Variants in C20orf204 observed in about 807,000 individuals in gnomAD.
The protein encoded by C20orf204 is uncharacterized protein C20orf204.
A neutral mutation model predicts 3.6 loss-of-function variants in C20orf204; 6 were observed. The observed-to-expected ratio is 1.68, with a 90% CI of 0.92 to 3.31. C20orf204 has a LOEUF of 3.31. Among genes scored for constraint, C20orf204 ranks in the 30% most tolerant of loss-of-function variants. The probability of loss-of-function intolerance (pLI) is 0.00; values close to 1 mark genes in which losing one functional copy is unlikely to be tolerated. For synonymous variants in C20orf204, 80 were observed against 41.4 expected (o/e 1.93, Z -3.58); for missense variants, 167 against 89.7 (o/e 1.86, Z -3.48).
Position 64,038,377 on chromosome 20 carries a change from G to T in C20orf204, c.361G>T (p.Glu121Ter). The T allele has an allele frequency of 1.3e-6, 1 of 769,984 alleles. No homozygotes were observed. The highest frequency in any genetic ancestry group is 2.4e-6 in the Non-Finnish European group (1 of 414,628). The allele number at this position is 769,984 out of a possible 1,614,324, so 47.7% of individuals were successfully genotyped here. A position where few individuals can be genotyped will look rare whatever the true frequency, so the allele number is the denominator to read the frequency against. The change falls in exon 3 of 4, where the codon GAG becomes TAG. Residue 121 changes from glutamate (E) to a stop codon, truncating the protein, a stop_gained. Coordinates refer to ENST00000636176, the MANE Select transcript of C20orf204 (RefSeq NM_001387010.1). LOFTEE classifies it high-confidence loss of function. Reference protein sequence around the residue: ...AVAGGRRGALERAAWTVAVRT... With the variant: ...AVAGGRRGAL ...GGCCGGGGGCCGCCGCGGGGCCCTG[G>T]AGAGAGCTGCTTGGACCGTGGCTGT...
chr20:64,035,127 G>A (rs1285515613), upstream of C20orf204: 2 of 152,248 alleles, frequency 1.3e-5, no homozygotes, highest in African/African-American at 4.8e-5. Flanking sequence ...CCAAACCACA[G>A]TTGTGCGCCA....
chr20:64,037,617 A>C, intron 1 of C20orf204: 1 of 269,490 alleles, frequency 3.7e-6, no homozygotes, highest in Admixed American at 5.4e-5. Flanking sequence ...TGCCCCCTCT[A>C]TCTCCTGATG....
At position 64,038,948 on chromosome 20, in the gene C20orf204, GC is replaced by G; in HGVS notation, c.*192del. On this transcript the variant is annotated 3_prime_UTR_variant, in exon 4 of 4. Transcript: ENST00000636176. ...CGCCGCTGGGTCACGGAGGAGGCCC[GC>G]CCTCCACGCGCCGAAGGCCTCAATA... 1 of 722,704 alleles carries G rather than the reference GC, an allele frequency of 1.4e-6. No homozygotes were observed. The highest frequency in any genetic ancestry group is 1.5e-5 in the South Asian group (1 of 68,524). 44.8% of individuals were successfully genotyped at this position (722,704 alleles called of 1,614,324 possible).
chr20:64,038,235 G>A (rs547663261), intron 2 of C20orf204, 33 bp downstream of exon 2: 35 of 734,202 alleles, frequency 4.8e-5, no homozygotes, highest in South Asian at 4.2e-4. Flanking sequence ...CAAGCTCGCC[G>A]GCCTGCTCCT....
Position 64,038,694 on chromosome 20 carries a change from G to A in C20orf204, c.505G>A (p.Asp169Asn), listed in dbSNP as rs1368284551. ...AAGGCAGCTCCTGCTGCGCGCCCTG[G>A]ACGCCGTCGCCACCTGCTGGGAGAA... Reference protein sequence around the residue: ...GRRQLLLRALDAVATCWEKLF... With the variant: ...GRRQLLLRALNAVATCWEKLF... The change falls in exon 4 of 4, where the codon GAC becomes AAC. Residue 169 changes from aspartate (D) to asparagine (N), a missense_variant. Asp to Asn is a conservative substitution (Grantham distance 23, BLOSUM62 1). Transcript: ENST00000636176. 5 of 665,980 alleles carry A rather than the reference G, an allele frequency of 7.5e-6. No homozygotes were observed. The South Asian group carries it at 7.9e-5, about 11-fold the overall frequency. The allele number at this position is 665,980 out of a possible 1,614,324, so 41.3% of individuals were successfully genotyped here. A position where few individuals can be genotyped will look rare whatever the true frequency, so the allele number is the denominator to read the frequency against.
chr20:64,035,422 G>A (rs2059334490), upstream of C20orf204: 1 of 152,256 alleles, frequency 6.6e-6, no homozygotes, highest in South Asian at 2.1e-4. Flanking sequence ...GTGAGTCACT[G>A]ACTTTTCCCC....
chr20:64,036,587 C>T (rs2059338392), intron 1 of C20orf204: 1 of 152,268 alleles, frequency 6.6e-6, no homozygotes, highest in Non-Finnish European at 1.5e-5. Context: ...ACTAACAGGC[C>T]AGTTGGGACT....
At chr20:64,036,892 A>G (rs1253174447) in intron 1 of C20orf204, 2 of 152,372 alleles carry the variant, frequency 1.3e-5, no homozygotes, top group African/African-American at 2.4e-5. Flanking sequence ...AGCTCTATGC[A>G]AGGGTTGGGG....
intron 2 of C20orf204, 25 bp from the exon 3 acceptor site, chr20:64,038,271 C>G: frequency 1.3e-6 from 1 of 747,544 alleles, no homozygotes; most frequent in African/African-American, 1.8e-5. Flanking sequence ...CACCCCCACC[C>G]CGCCTTCCTC....
upstream of C20orf204, among the ~76,000 whole-genome samples, chr20:64,034,104 C>T (rs1308117843): frequency 1.3e-5 from 2 of 152,150 alleles, no homozygotes; most frequent in Admixed American, 6.6e-5. Context: ...TTGAGGCCAG[C>T]GGGCGGGGAG....
At position 64,038,999 on chromosome 20, in the gene C20orf204, G is replaced by A; in HGVS notation, c.*240G>A. On this transcript the variant is annotated 3_prime_UTR_variant, in exon 4 of 4. Transcript: ENST00000636176. ...AAACGGAGCTGGCGCTGCGGGTCCGGCACTCCCTTCGCCTGCCTCTCTGTG... is the reference window on the plus strand; with the variant it reads ...AAACGGAGCTGGCGCTGCGGGTCCGACACTCCCTTCGCCTGCCTCTCTGTG... 4.3e-6 allele frequency: 3 copies of A among 689,884 alleles called. No individual in the cohort carries two copies. Among genetic ancestry groups the A allele is most frequent in the South Asian group, 1.5e-5 (1 of 67,006 alleles). 42.7% of individuals were successfully genotyped at this position (689,884 alleles called of 1,614,324 possible).
chr20:64,033,847 C>CT (rs2059328697), upstream of C20orf204, among the ~76,000 whole-genome samples: 1 of 152,258 alleles, frequency 6.6e-6, no homozygotes, highest in Non-Finnish European at 1.5e-5. Context: ...CAGTTTAACC[C>CT]TAAAGCCCTT....
At chr20:64,035,617 C>G (rs2059335109), upstream of C20orf204, 1 of 152,296 alleles carries the variant, frequency 6.6e-6, no homozygotes, top group Non-Finnish European at 1.5e-5. Context: ...CACCCTGCTC[C>G]TGGGTATCTT....
At chr20:64,035,902 C>G (rs528247939), upstream of C20orf204, 1 of 152,596 alleles carries the variant, frequency 6.6e-6, no homozygotes, top group African/African-American at 2.4e-5. Flanking sequence ...TCCCCTCCCC[C>G]ACCAGCTGGG....
upstream of C20orf204, among the ~76,000 whole-genome samples, chr20:64,033,915 T>A (rs1002169099): frequency 6.6e-6 from 1 of 152,276 alleles, no homozygotes. Flanking sequence ...GGTTGAACGT[T>A]GATCACCCGA....
chr20:64,038,981 G>C lies in C20orf204; in HGVS notation c.*222G>C, dbSNP rs758080390. ...CGCGCCGAAGGCCTCAATAAACGGA[G>C]CTGGCGCTGCGGGTCCGGCACTCCC... On this transcript the variant is annotated 3_prime_UTR_variant, in exon 4 of 4. Transcript: ENST00000636176. 1 of 708,744 alleles carries C rather than the reference G, an allele frequency of 1.4e-6. No individual in the cohort carries two copies. The highest frequency in any genetic ancestry group is 1.8e-5 in the African/African-American group (1 of 55,350). 43.9% of individuals were successfully genotyped at this position (708,744 alleles called of 1,614,324 possible).
upstream of C20orf204, chr20:64,035,324 T>A (rs1242030285): frequency 6.6e-6 from 1 of 152,234 alleles, no homozygotes; most frequent in Admixed American, 6.5e-5. Flanking sequence ...TTTAATCACA[T>A]CCAAACACGG....
chr20:64,038,603 AC>A lies in C20orf204; in HGVS notation c.433-17del, dbSNP rs1387587575. 16 of 528,284 alleles carry A rather than the reference AC, an allele frequency of 3.0e-5. No homozygotes were observed. The Admixed American group carries it at 3.3e-4, about 11-fold the overall frequency. 32.7% of individuals were successfully genotyped at this position (528,284 alleles called of 1,614,324 possible). A position where few individuals can be genotyped will look rare whatever the true frequency, so the allele number is the denominator to read the frequency against. On this transcript the variant is annotated intron_variant, in intron 3 of 3. Transcript: ENST00000636176. ...GCGCGGGGGCCGTGCGCATTCGCTG[AC>A]CGCCCTGTCCCCGACAGCGGAGCCG...
rs759474481 is a variant in C20orf204, at chr20:64,038,414, C to T, written c.398C>T (p.Ala133Val). 3 of 769,934 alleles carry T rather than the reference C, an allele frequency of 3.9e-6. No individual in the cohort carries two copies. The highest frequency in any genetic ancestry group is 1.7e-5 in the African/African-American group (1 of 58,096). 47.7% of individuals were successfully genotyped at this position (769,934 alleles called of 1,614,324 possible). The change falls in exon 3 of 4, where the codon GCG becomes GTG. Residue 133 changes from alanine (A) to valine (V), a missense_variant. Physicochemically the swap from Ala to Val is moderately conservative, Grantham distance 64. Coordinates refer to ENST00000636176, the MANE Select transcript of C20orf204 (RefSeq NM_001387010.1). ...TGGACCGTGGCTGTGCGCACCGAGG[C>T]GGTGATGCGGCGCCACTGCAGGACG... ...AAWTVAVRTE[A>V]VMRRHCRTLR...
Sources: gnomAD v4.1 joint callset for allele counts (sites outside exome capture counted in the v4.1 genomes callset) on GRCh38, gnomAD v4.1.1 for gene constraint, MANE v1.5 for transcripts, NCBI Gene and HGNC (gene_info 2026-07-23, HGNC 2026-07-21) for gene names.